Variants in SUPT3H observed in about 807,000 individuals in gnomAD.
The protein encoded by SUPT3H is transcription initiation protein SPT3 homolog.
SUPT3H carries 44 observed loss-of-function variants against 44.3 expected under a neutral mutation model. That is an observed-to-expected ratio of 0.99 (90% CI 0.78 to 1.28). SUPT3H has a LOEUF of 1.28. Among genes scored for constraint, SUPT3H ranks in the 50% most tolerant of loss-of-function variants. The probability of loss-of-function intolerance (pLI) is 0.00; values close to 1 mark genes in which losing one functional copy is unlikely to be tolerated. For missense variants in SUPT3H, 380 were observed against 387.1 expected (o/e 0.98, Z 0.15); for synonymous variants, 124 against 125.6 (o/e 0.99, Z 0.09).
At chr6:45,140,007 G>C (rs912501500) in intron 2 of SUPT3H, among the ~76,000 whole-genome samples, 4 of 152,126 alleles carry the variant, frequency 2.6e-5, no homozygotes, top group African/African-American at 7.2e-5. Context: ...TGCTTTATCA[G>C]ACTGGGGCAA....
chr6:45,040,002 T>C (rs2153529168), intron 3 of SUPT3H, among the ~76,000 whole-genome samples: 1 of 152,328 alleles, frequency 6.6e-6, no homozygotes, highest in Admixed American at 6.5e-5. Context: ...GGTCAGACTC[T>C]GTCAGGGGAC....
chr6:45,187,218 C>A (rs915882000), intron 2 of SUPT3H, among the ~76,000 whole-genome samples: 2 of 151,478 alleles, frequency 1.3e-5, no homozygotes, highest in Admixed American at 1.3e-4. Context: ...AGCTCGGGAC[C>A]AGCCTGGCCA....
At chr6:45,194,299 G>A (rs1815644782) in intron 2 of SUPT3H, among the ~76,000 whole-genome samples, 1 of 151,808 alleles carries the variant, frequency 6.6e-6, no homozygotes, top group Non-Finnish European at 1.5e-5. Flanking sequence ...ATAGAATCTG[G>A]TTGAGAAGAA....
intron 2 of SUPT3H, among the ~76,000 whole-genome samples, chr6:45,237,010 T>C (rs903942692): frequency 6.6e-6 from 1 of 152,144 alleles, no homozygotes; most frequent in Non-Finnish European, 1.5e-5. Context: ...GATTGTTATA[T>C]CTACTTCTGT....
At chr6:45,212,639 G>C (rs531797312) in intron 2 of SUPT3H, among the ~76,000 whole-genome samples, 4 of 152,080 alleles carry the variant, frequency 2.6e-5, no homozygotes, top group African/African-American at 9.6e-5. Flanking sequence ...AACTTCCAAA[G>C]GGTATATAGA....
intron 10 of SUPT3H, among the ~76,000 whole-genome samples, chr6:44,886,180 T>A (rs1440042043): frequency 1.3e-5 from 2 of 152,136 alleles, no homozygotes; most frequent in Non-Finnish European, 2.9e-5. Flanking sequence ...GGAACCAAGT[T>A]GGAAAACACT....
At chr6:45,344,169 A>G (rs1025115050) in intron 2 of SUPT3H, among the ~76,000 whole-genome samples, 7 of 152,234 alleles carry the variant, frequency 4.6e-5, no homozygotes, top group Non-Finnish European at 8.8e-5. Context: ...CATCCACTAA[A>G]TACTTAGTAG....
intron 10 of SUPT3H, among the ~76,000 whole-genome samples, chr6:44,899,684 T>TCAAAA (rs1042974666): frequency 1.3e-5 from 2 of 152,146 alleles, no homozygotes; most frequent in Non-Finnish European, 2.9e-5. Context: ...GAGACTCGTC[T>TCAAAA]CAAAACAAAA....
chr6:45,007,090 C>T (rs1013190342), intron 5 of SUPT3H, among the ~76,000 whole-genome samples: 2 of 152,016 alleles, frequency 1.3e-5, no homozygotes, highest in Non-Finnish European at 2.9e-5. Context: ...GATTGCAGTC[C>T]CTTCCTCTCA....
intron 2 of SUPT3H, among the ~76,000 whole-genome samples, chr6:45,285,329 T>C (rs1009033087): frequency 7.9e-5 from 12 of 152,296 alleles, no homozygotes; most frequent in Non-Finnish European, 1.8e-4. Flanking sequence ...GACATGATTG[T>C]ATATCTAGAA....
At chr6:45,099,156 C>A in intron 3 of SUPT3H, 1 of 310,184 alleles carries the variant, frequency 3.2e-6, no homozygotes. Context: ...CACATATTCA[C>A]CTCAATGGGA....
chr6:45,305,263 CATA>C (rs1364923771), intron 2 of SUPT3H, among the ~76,000 whole-genome samples: 5 of 152,178 alleles, frequency 3.3e-5, no homozygotes, highest in African/African-American at 1.2e-4. Flanking sequence ...ACCTGTATTA[CATA>C]ATATCATGGT....
intron 3 of SUPT3H, among the ~76,000 whole-genome samples, chr6:45,081,451 TG>T (rs1462929908): frequency 2.0e-5 from 3 of 152,142 alleles, no homozygotes; most frequent in African/African-American, 7.2e-5. Context: ...GTTAACACTA[TG>T]TGATACTATT....
At chr6:45,231,637 C>A (rs1029813644) in intron 2 of SUPT3H, among the ~76,000 whole-genome samples, 3 of 152,154 alleles carry the variant, frequency 2.0e-5, no homozygotes, top group Non-Finnish European at 2.9e-5. Context: ...GTCTAAATCT[C>A]TTGCTAGACT....
At chr6:45,125,379 A>G (rs1802281888) in intron 2 of SUPT3H, among the ~76,000 whole-genome samples, 1 of 152,138 alleles carries the variant, frequency 6.6e-6, no homozygotes, top group South Asian at 2.1e-4. Flanking sequence ...TTTTTTTTCT[A>G]CAATACTTTG....
Position 44,829,698 on chromosome 6 carries a change from G to T in SUPT3H, c.*118C>A. 1 of 1,182,932 alleles carries T rather than the reference G, an allele frequency of 8.5e-7. No homozygotes were observed. The highest frequency in any genetic ancestry group is 1.2e-6 in the Non-Finnish European group (1 of 818,100). 73.3% of individuals were successfully genotyped at this position (1,182,932 alleles called of 1,614,324 possible). A position where few individuals can be genotyped will look rare whatever the true frequency, so the allele number is the denominator to read the frequency against. On this transcript the variant is annotated 3_prime_UTR_variant, in exon 11 of 11. Transcript: ENST00000371459. ...AGTCAGCAAGTTGAAAGTCACAACA[G>T]ACCAGCCCACTCCCTCAGATAAAAG...
rs78239764 is a variant in SUPT3H, at chr6:45,262,452, T to C, written c.101+102749A>G. ...AATGAACAGTATATGATAACTGGCT[T>C]ACCATATGCAGAAGATTGAACCTGG... On this transcript the variant is annotated intron_variant, in intron 2 of 10. Coordinates refer to ENST00000371459, the MANE Select transcript of SUPT3H (RefSeq NM_003599.4). 5.9e-5 allele frequency among the ~76,000 whole-genome samples: 9 copies of C among 152,148 alleles called. No homozygotes were observed. In the East Asian group the frequency reaches 1.7e-3, roughly 29 times the overall value.
At chr6:44,884,192 C>T (rs1285829433) in intron 10 of SUPT3H, among the ~76,000 whole-genome samples, 4 of 152,108 alleles carry the variant, frequency 2.6e-5, no homozygotes, top group South Asian at 2.1e-4. Flanking sequence ...AAAAAGTGGG[C>T]GAAGGATATG....
At chr6:44,910,988 C>A (rs1441527824) in intron 10 of SUPT3H, among the ~76,000 whole-genome samples, 1 of 86,360 alleles carries the variant, frequency 1.2e-5, no homozygotes, top group African/African-American at 4.7e-5. Flanking sequence ...GAGTGAGACT[C>A]CATCTCAAAA....
Sources: gnomAD v4.1 joint callset for allele counts (sites outside exome capture counted in the v4.1 genomes callset) on GRCh38, gnomAD v4.1.1 for gene constraint, MANE v1.5 for transcripts, NCBI Gene and HGNC (gene_info 2026-07-23, HGNC 2026-07-21) for gene names.